GRM5: variants seen among roughly 807,000 people sequenced by gnomAD.
GRM5 encodes metabotropic glutamate receptor 5.
GRM5 carries 19 observed loss-of-function variants against 83.1 expected under a neutral mutation model. The observed-to-expected ratio is 0.23, with a 90% CI of 0.16 to 0.34. The LOEUF is 0.34. Among genes scored for constraint, GRM5 ranks in the 10% least tolerant of loss-of-function variants. The pLI is 1.00. For synonymous variants in GRM5, 675 were observed against 633.6 expected, an observed-to-expected ratio of 1.07 and a Z score of -0.98; for missense variants, 1,160 against 1,588.3, an observed-to-expected ratio of 0.73 and a Z score of 4.58.
intron 3 of GRM5, among the ~76,000 whole-genome samples, chr11:88,799,301 T>G (rs1259915167): frequency 6.6e-6 from 1 of 152,070 alleles, no homozygotes; most frequent in East Asian, 1.9e-4. Flanking sequence ...AAAATGAAGA[T>G]TTAAAGCTAA....
At chr11:88,782,217 A>T (rs570669679) in intron 3 of GRM5, among the ~76,000 whole-genome samples, 1 of 152,294 alleles carries the variant, frequency 6.6e-6, no homozygotes, top group Non-Finnish European at 1.5e-5. Flanking sequence ...TAATTGCTGT[A>T]TTAGTCTGTT....
At chr11:88,905,385 C>T (rs1361666511) in intron 2 of GRM5, among the ~76,000 whole-genome samples, 2 of 152,018 alleles carry the variant, frequency 1.3e-5, no homozygotes, top group South Asian at 2.1e-4. Flanking sequence ...GCTCTGTCAC[C>T]CAGACTGGAG....
chr11:88,802,773 T>C (rs1943424089), intron 3 of GRM5, among the ~76,000 whole-genome samples: 1 of 149,858 alleles, frequency 6.7e-6, no homozygotes, highest in Non-Finnish European at 1.5e-5. Flanking sequence ...CATGATTGTA[T>C]ATCTAGAAAA....
chr11:88,516,101 A>G (rs1242853417), intron 9 of GRM5, among the ~76,000 whole-genome samples: 1 of 152,232 alleles, frequency 6.6e-6, no homozygotes, highest in Non-Finnish European at 1.5e-5. Flanking sequence ...CAGATGCTAC[A>G]TGTATCTCCT....
intron 3 of GRM5, among the ~76,000 whole-genome samples, chr11:88,753,421 A>ACACCAG (rs1942326462): frequency 6.6e-6 from 1 of 152,208 alleles, no homozygotes; most frequent in Admixed American, 6.5e-5. Context: ...ACCAGTCAGT[A>ACACCAG]TGGTGATTAT....
chr11:89,041,531 G>A (rs1214585008), intron 2 of GRM5, among the ~76,000 whole-genome samples: 5 of 152,176 alleles, frequency 3.3e-5, no homozygotes, highest in Admixed American at 2.6e-4. Context: ...CAAACCACAT[G>A]TGGATATGTC....
intron 2 of GRM5, among the ~76,000 whole-genome samples, chr11:88,913,022 C>A (rs1427565232): frequency 1.3e-5 from 2 of 152,200 alleles, no homozygotes; most frequent in Non-Finnish European, 2.9e-5. Context: ...TGAACAAATG[C>A]TCCCTGATTT....
intron 3 of GRM5, among the ~76,000 whole-genome samples, chr11:88,813,354 T>A (rs1323913687): frequency 6.6e-6 from 1 of 152,180 alleles, no homozygotes; most frequent in Non-Finnish European, 1.5e-5. Context: ...GCTGGGGATT[T>A]TTTAGTTCTC....
At chr11:88,721,424 A>G (rs1668706265) in intron 3 of GRM5, among the ~76,000 whole-genome samples, 1 of 152,104 alleles carries the variant, frequency 6.6e-6, no homozygotes, top group South Asian at 2.1e-4. Flanking sequence ...ATAGCACTGC[A>G]AACTGTACAA....
At chr11:88,635,387 C>T (rs34614398) in intron 4 of GRM5, among the ~76,000 whole-genome samples, 18,547 of 152,162 alleles carry the variant, frequency 0.12, 1,456 homozygotes, top group Middle Eastern at 0.19. Context: ...GATGATATCT[C>T]ATTGTGGTTT....
chr11:88,644,643 C>T (rs1466368465), intron 4 of GRM5, among the ~76,000 whole-genome samples: 1 of 152,072 alleles, frequency 6.6e-6, no homozygotes, highest in African/African-American at 2.4e-5. Context: ...GTAACTTTAT[C>T]CCAAAGCAGT....
chr11:88,945,843 A>C (rs1175473653), intron 2 of GRM5, among the ~76,000 whole-genome samples: 1 of 152,138 alleles, frequency 6.6e-6, no homozygotes, highest in Non-Finnish European at 1.5e-5. Context: ...ATTTATGACT[A>C]AGTCCTTAAA....
intron 4 of GRM5, among the ~76,000 whole-genome samples, chr11:88,645,433 G>A (rs1334081269): frequency 3.3e-5 from 5 of 152,096 alleles, no homozygotes; most frequent in Admixed American, 6.6e-5. Context: ...CAGAAACACA[G>A]GAGCTTAACT....
At chr11:88,740,097 T>C (rs1941997075) in intron 3 of GRM5, among the ~76,000 whole-genome samples, 1 of 152,058 alleles carries the variant, frequency 6.6e-6, no homozygotes, top group African/African-American at 2.4e-5. Flanking sequence ...CCAGTATAAG[T>C]TTACTATTTT....
At chr11:88,944,609 A>G in intron 2 of GRM5, among the ~76,000 whole-genome samples, 1 of 151,842 alleles carries the variant, frequency 6.6e-6, no homozygotes, top group South Asian at 2.1e-4. Flanking sequence ...TTAGATCTCC[A>G]GATAACCTGT....
At chr11:88,614,419 A>AT (rs1395453436) in intron 4 of GRM5, among the ~76,000 whole-genome samples, 1 of 152,140 alleles carries the variant, frequency 6.6e-6, no homozygotes, top group African/African-American at 2.4e-5. Context: ...GTCACTATAT[A>AT]TTTCTGGTCA....
chr11:88,818,323 G>A (rs1039389940), intron 3 of GRM5, among the ~76,000 whole-genome samples: 3 of 152,000 alleles, frequency 2.0e-5, no homozygotes, highest in Admixed American at 6.5e-5. Context: ...TAATCAGCCT[G>A]TGACATTCCT....
At chr11:88,755,744 G>A (rs1392313770) in intron 3 of GRM5, among the ~76,000 whole-genome samples, 2 of 152,072 alleles carry the variant, frequency 1.3e-5, no homozygotes, top group African/African-American at 4.8e-5. Flanking sequence ...CCTCCAAACA[G>A]AGAATTAAAT....
chr11:88,934,998 T>G (rs2135654543), intron 2 of GRM5, among the ~76,000 whole-genome samples: 1 of 152,052 alleles, frequency 6.6e-6, no homozygotes, highest in South Asian at 2.1e-4. Flanking sequence ...CTATTATATC[T>G]CAAGCACTGT....
Sources: gnomAD v4.1 joint callset for allele counts (sites outside exome capture counted in the v4.1 genomes callset) on GRCh38, gnomAD v4.1.1 for gene constraint, MANE v1.5 for transcripts, NCBI Gene and HGNC (gene_info 2026-07-23, HGNC 2026-07-21) for gene names.